CNN3: variants seen among roughly 807,000 people sequenced by gnomAD.
The protein encoded by CNN3 is calponin-3.
In CNN3, 11 loss-of-function variants were observed where a neutral mutation model predicts 39.0. That is an observed-to-expected ratio of 0.28 (90% confidence interval 0.18 to 0.47). The LOEUF is 0.47. Among genes scored for constraint, CNN3 ranks in the 20% least tolerant of loss-of-function variants. The pLI, the probability that CNN3 is intolerant of heterozygous loss-of-function variation, is 0.99. For synonymous variants in CNN3, 101 were observed against 138.3 expected, an observed-to-expected ratio of 0.73 and a Z score of 1.89; for missense variants, 266 against 403.4, an observed-to-expected ratio of 0.66 and a Z score of 2.92.
intron 1 of CNN3, among the ~76,000 whole-genome samples, chr1:94,906,275 G>A (rs909495847): frequency 2.0e-5 from 3 of 152,194 alleles, no homozygotes; most frequent in Non-Finnish European, 2.9e-5. Flanking sequence ...GAGCCACTGC[G>A]TCCAGCCGAT....
At chr1:94,899,822 A>G (rs1055258058) in intron 5 of CNN3, among the ~76,000 whole-genome samples, 26 of 152,246 alleles carry the variant, frequency 1.7e-4, no homozygotes, top group African/African-American at 6.3e-4. Context: ...CTCTTTCCCC[A>G]GATAACCAAA....
At chr1:94,912,165 G>A (rs1187947560) in intron 1 of CNN3, among the ~76,000 whole-genome samples, 1 of 152,192 alleles carries the variant, frequency 6.6e-6, no homozygotes, top group Admixed American at 6.5e-5. Context: ...CTAACAGAAT[G>A]TCAATTTTGT....
At chr1:94,912,557 C>T (rs1260402797) in intron 1 of CNN3, among the ~76,000 whole-genome samples, 1 of 152,176 alleles carries the variant, frequency 6.6e-6, no homozygotes, top group Non-Finnish European at 1.5e-5. Context: ...ACACACAAGG[C>T]ATGTCCAAGA....
chr1:94,906,916 C>T (rs774752869), intron 1 of CNN3, among the ~76,000 whole-genome samples: 1 of 152,178 alleles, frequency 6.6e-6, no homozygotes, highest in South Asian at 2.1e-4. Flanking sequence ...CCCCAAACCA[C>T]GAAGTGACTA....
chr1:94,900,651 T>C (rs867297779), intron 5 of CNN3, among the ~76,000 whole-genome samples: 1 of 152,172 alleles, frequency 6.6e-6, no homozygotes, highest in African/African-American at 2.4e-5. Context: ...TTGCATAGAC[T>C]CAGTAGAAAG....
At chr1:94,919,734 G>A (rs1341027792) in intron 1 of CNN3, among the ~76,000 whole-genome samples, 1 of 152,128 alleles carries the variant, frequency 6.6e-6, no homozygotes, top group African/African-American at 2.4e-5. Context: ...TAAATGCTTA[G>A]GTTACAACTG....
In CNN3 at chr1:94,919,176, A is replaced by T. The variant is rs115511055; in HGVS notation, c.57+7662T>A. Reference sequence around the variant, plus strand: ...GGGTTTTTAAAAAATACAACATCCAATTCTTTGAAGAAAGATAAGGAAAAT... The same window carrying T: ...GGGTTTTTAAAAAATACAACATCCATTTCTTTGAAGAAAGATAAGGAAAAT... On this transcript the variant is annotated intron_variant, in intron 1 of 6. Coordinates refer to ENST00000370206, the MANE Select transcript of CNN3 (RefSeq NM_001839.5). 6.9e-3 allele frequency among the ~76,000 whole-genome samples: 1,058 copies of T among 152,300 alleles called. 11 individuals are homozygous for T. The highest frequency in any genetic ancestry group is 0.024 in the African/African-American group (999 of 41,550).
chr1:94,920,348 A>C (rs1227136889), intron 1 of CNN3, among the ~76,000 whole-genome samples: 2 of 152,180 alleles, frequency 1.3e-5, no homozygotes, highest in African/African-American at 2.4e-5. Flanking sequence ...TCCCCTATCC[A>C]CCAGAAATCT....
intron 3 of CNN3, 107 bp downstream of exon 3, chr1:94,903,015 A>C: frequency 1.3e-6 from 1 of 798,482 alleles, no homozygotes; most frequent in East Asian, 2.9e-5. Flanking sequence ...GTAATCAAAA[A>C]GTTAAAAAAA....
At chr1:94,901,298 G>A (rs1670856842) in intron 5 of CNN3, among the ~76,000 whole-genome samples, 1 of 150,720 alleles carries the variant, frequency 6.6e-6, no homozygotes, top group Non-Finnish European at 1.5e-5. Context: ...AGGTTACAGT[G>A]AGCCGAGATC....
intron 1 of CNN3, among the ~76,000 whole-genome samples, chr1:94,923,502 CT>C (rs34777919): frequency 0.059 from 8,462 of 143,914 alleles, 270 homozygotes; most frequent in East Asian, 0.094. Flanking sequence ...AATTCTTAGG[CT>C]TTTTTTTTTT....
chr1:94,911,418 T>C (rs1303365055), intron 1 of CNN3, among the ~76,000 whole-genome samples: 1 of 152,188 alleles, frequency 6.6e-6, no homozygotes, highest in Non-Finnish European at 1.5e-5. Context: ...CAAATGTCTA[T>C]AATCAGGTAA....
At chr1:94,925,402 A>C (rs1671549845) in intron 1 of CNN3, among the ~76,000 whole-genome samples, 1 of 152,238 alleles carries the variant, frequency 6.6e-6, no homozygotes, top group South Asian at 2.1e-4. Context: ...TGAGGTTTGC[A>C]CTCAATCATA....
chr1:94,906,863 T>C (rs562274660), intron 1 of CNN3, among the ~76,000 whole-genome samples: 14 of 152,360 alleles, frequency 9.2e-5, no homozygotes, highest in African/African-American at 3.4e-4. Context: ...AGCATATTTA[T>C]GCATCCTTTG....
At chr1:94,901,642 T>C (rs1462070857) in intron 5 of CNN3, 27 bp downstream of exon 5, 24 of 1,459,278 alleles carry the variant, frequency 1.6e-5, no homozygotes, top group African/African-American at 5.6e-5. Context: ...GAATAAGTAA[T>C]TGAATAAGCA....
intron 1 of CNN3, chr1:94,925,772 G>C (rs1671560198): frequency 1.0e-6 from 1 of 985,362 alleles, no homozygotes; most frequent in Non-Finnish European, 1.2e-6. Context: ...AGGTTAATGG[G>C]AATTAAACCA....
At chr1:94,910,751 T>C (rs1671138489) in intron 1 of CNN3, among the ~76,000 whole-genome samples, 1 of 152,148 alleles carries the variant, frequency 6.6e-6, no homozygotes, top group African/African-American at 2.4e-5. Flanking sequence ...GCCTGTTCAA[T>C]AGGAATGGAA....
At chr1:94,907,358 A>C (rs1037698133) in intron 1 of CNN3, among the ~76,000 whole-genome samples, 1 of 152,208 alleles carries the variant, frequency 6.6e-6, no homozygotes, top group Admixed American at 6.5e-5. Flanking sequence ...TTATCTTTTA[A>C]AATCAAGGAA....
chr1:94,900,922 T>TATAAAGTACATTTCTGGCTGGGTGTGGTA (rs1670845780), intron 5 of CNN3, among the ~76,000 whole-genome samples: 1 of 152,166 alleles, frequency 6.6e-6, no homozygotes, highest in Non-Finnish European at 1.5e-5. Flanking sequence ...TTAAGGAATT[T>TATAAAGTACATTTCTGGCTGGGTGTGGTA]ATAAAGTACA....
Sources: allele counts gnomAD v4.1 joint callset (sites outside exome capture counted in the v4.1 genomes callset), GRCh38; gene constraint gnomAD v4.1.1; transcripts MANE v1.5; gene names NCBI Gene and HGNC (gene_info 2026-07-23, HGNC 2026-07-21).